The following TOP1MT variants were observed in gnomAD, a reference collection of about 807,000 sequenced individuals.
The protein encoded by TOP1MT is DNA topoisomerase I, mitochondrial.
Under a neutral mutation model 73.9 loss-of-function variants are expected in TOP1MT, and 80 were observed. The observed-to-expected ratio is 1.08, with a 90% confidence interval of 0.90 to 1.30. The LOEUF is 1.30. Among genes scored for constraint, TOP1MT ranks in the 50% most tolerant of loss-of-function variants. The probability of loss-of-function intolerance (pLI) is 0.00; values close to 1 mark genes in which losing one functional copy is unlikely to be tolerated. For missense variants in TOP1MT, 815 were observed against 808.0 expected, an observed-to-expected ratio of 1.01 and a Z score of -0.10; for synonymous variants, 338 against 326.4, an observed-to-expected ratio of 1.04 and a Z score of -0.38.
rs762105641 is a variant in TOP1MT at position 143,324,479 on chromosome 8, G to A, written c.816+6C>T. The A allele has an allele frequency of 1.4e-5, 22 of 1,613,842 alleles. No individual in the cohort carries two copies. Among genetic ancestry groups the A allele is most frequent in the East Asian group, 2.2e-5 (1 of 44,884 alleles). On this transcript the variant is annotated splice_donor_region_variant and intron_variant, in intron 6 of 13. Transcript: ENST00000329245. Reference sequence around the variant, plus strand: ...GAGGAAACACCCTGCCAAGCCCTGCGCTCACCTTCAGCTTCGAGCAAGGGT... The same window carrying A: ...GAGGAAACACCCTGCCAAGCCCTGCACTCACCTTCAGCTTCGAGCAAGGGT...
At chr8:143,347,611 T>C (rs1234661248), upstream of TOP1MT, among the ~76,000 whole-genome samples, 2 of 152,172 alleles carry the variant, frequency 1.3e-5, no homozygotes, top group African/African-American at 4.8e-5. Context: ...GTAGTTACTA[T>C]TTAGTATTAA....
intron 7 of TOP1MT, 43 bp from the exon 8 acceptor site, chr8:143,321,429 G>C (rs762741980): frequency 9.3e-6 from 14 of 1,505,850 alleles, no homozygotes; most frequent in Admixed American, 5.8e-5. Context: ...GCGTGCACAC[G>C]CACGCCACAC....
rs1816657954 is a variant in TOP1MT, at chr8:143,324,701, C to T, written c.672-72G>A. ...TGGAATGCAAGCAAAAGGAGCTGCT[C>T]TGGTCAACCGTCCCACGTGGTGGCT... is the stretch of plus-strand genomic sequence containing the variant. On this transcript the variant is annotated intron_variant, in intron 5 of 13. Coordinates refer to ENST00000329245, the MANE Select transcript of TOP1MT (RefSeq NM_052963.3). 6.4e-6 allele frequency: 10 copies of T among 1,556,716 alleles called. No homozygotes were observed. The South Asian group carries it at 1.1e-4, about 16-fold the overall frequency.
chr8:143,322,484 G>GT (rs1816476463), intron 7 of TOP1MT, among the ~76,000 whole-genome samples: 2 of 68,738 alleles, frequency 2.9e-5, no homozygotes, highest in Admixed American at 4.3e-4. Context: ...ACACAGGCAC[G>GT]CCACACGCAC....
chr8:143,315,556 C>G, intron 12 of TOP1MT, among the ~76,000 whole-genome samples, 171 bp downstream of exon 12: 1 of 152,274 alleles, frequency 6.6e-6, no homozygotes, highest in South Asian at 2.1e-4. Flanking sequence ...AGTGGTCCCC[C>G]GGGCCCAGCT....
At chr8:143,315,620 C>A in intron 12 of TOP1MT, 107 bp downstream of exon 12, 1 of 736,640 alleles carries the variant, frequency 1.4e-6, no homozygotes, top group Non-Finnish European at 2.2e-6. Flanking sequence ...TCTCTCGTCT[C>A]CGCACAAGGA....
intron 12 of TOP1MT, among the ~76,000 whole-genome samples, chr8:143,312,521 A>T (rs927921723): frequency 2.3e-5 from 1 of 43,480 alleles, no homozygotes; most frequent in Non-Finnish European, 7.3e-5. Context: ...CTTCATGATA[A>T]AAAAAAAAGA....
At chr8:143,358,765 C>A (rs1817454618), upstream of TOP1MT, 1 of 152,118 alleles carries the variant, frequency 6.6e-6, no homozygotes, top group Non-Finnish European at 1.5e-5. Context: ...CACTGCTGCA[C>A]CTGCGGCTGG....
intron 7 of TOP1MT, among the ~76,000 whole-genome samples, chr8:143,321,911 G>C (rs951710973): frequency 2.1e-4 from 3 of 14,480 alleles, no homozygotes; most frequent in Admixed American, 1.3e-3. Context: ...CACACACACA[G>C]GCACGCCACA....
chr8:143,341,192 C>T lies in TOP1MT; in HGVS notation c.29+2028G>A, dbSNP rs1206608221. ...CTCCCCACACGTTTGTCCTGAAGCC[C>T]TTTCTCCCCTTTCTCTTCGGATATT... is the stretch of plus-strand genomic sequence containing the variant. On this transcript the variant is annotated intron_variant, in intron 2 of 5. Transcript: ENST00000518007. This position sits in a 1 kb window ranked among gnomAD's most constrained non-coding sequence, Gnocchi z 4.1. 5.3e-5 allele frequency among the ~76,000 whole-genome samples: 8 copies of T among 152,192 alleles called. No individual in the cohort carries two copies. In the East Asian group the frequency reaches 1.3e-3, roughly 26 times the overall value.
At chr8:143,324,220 C>G (rs1816641065) in intron 6 of TOP1MT, 78 bp from the exon 7 acceptor site, 2 of 1,570,152 alleles carry the variant, frequency 1.3e-6, no homozygotes, top group Admixed American at 1.7e-5. Flanking sequence ...CTCTCCCTCC[C>G]CCAAACCTCG....
intron 8 of TOP1MT, among the ~76,000 whole-genome samples, chr8:143,319,899 GTA>G (rs1347986095): frequency 6.6e-6 from 1 of 151,914 alleles, no homozygotes; most frequent in African/African-American, 2.4e-5. Flanking sequence ...GCTGAGGCAG[GTA>G]GATCACGAGG....
chr8:143,325,672 G>A (rs1586765582), intron 4 of TOP1MT, 139 bp from the exon 5 acceptor site: 2 of 793,194 alleles, frequency 2.5e-6, no homozygotes, highest in East Asian at 5.3e-5. Context: ...AATCCATGGA[G>A]GTTGCAGGGG....
chr8:143,321,900 C>CCA (rs141732543), intron 7 of TOP1MT, among the ~76,000 whole-genome samples: 1,849 of 43,914 alleles, frequency 0.042, 221 homozygotes, highest in South Asian at 0.086. Flanking sequence ...CACAGGCACG[C>CCA]CACACACACA....
At chr8:143,311,504 G>A (rs1224871473) in intron 12 of TOP1MT, among the ~76,000 whole-genome samples, 9 of 152,136 alleles carry the variant, frequency 5.9e-5, no homozygotes, top group Non-Finnish European at 1.2e-4. Flanking sequence ...TCCCAGCACT[G>A]TGGGAGGCCG....
intron 2 of TOP1MT, 131 bp downstream of exon 2, chr8:143,331,093 A>T (rs1017822068): frequency 5.6e-5 from 37 of 657,448 alleles, no homozygotes; most frequent in African/African-American, 5.6e-4. Context: ...ATCACCTGCA[A>T]GAAGAGGGCA....
At chr8:143,345,711 A>C (rs1308005037), upstream of TOP1MT, among the ~76,000 whole-genome samples, 1 of 152,260 alleles carries the variant, frequency 6.6e-6, no homozygotes, top group East Asian at 1.9e-4. Flanking sequence ...CAGAGAAGAG[A>C]TAAAGTAATT....
intron 7 of TOP1MT, among the ~76,000 whole-genome samples, chr8:143,322,330 CCA>C (rs1277344680): frequency 7.0e-5 from 6 of 85,250 alleles, no homozygotes; most frequent in African/African-American, 9.3e-5. Context: ...CAGATGCATG[CCA>C]CACACACAGG....
At chr8:143,309,859 C>A (rs1420663022) in intron 13 of TOP1MT, 1 of 1,537,350 alleles carries the variant, frequency 6.5e-7, no homozygotes, top group Non-Finnish European at 8.7e-7. Flanking sequence ...ACTGTCAGCA[C>A]CCCCACTTCA....
Sources: gnomAD v4.1 joint callset for allele counts (sites outside exome capture counted in the v4.1 genomes callset) on GRCh38, gnomAD v4.1.1 for gene constraint, Gnocchi (gnomAD v3.1) non-coding constraint, MANE v1.5 for transcripts, NCBI Gene and HGNC (gene_info 2026-07-23, HGNC 2026-07-21) for gene names.